EFTUD2: variants seen among roughly 807,000 people sequenced by gnomAD.
EFTUD2 encodes 116 kDa U5 small nuclear ribonucleoprotein component.
EFTUD2 carries 9 observed loss-of-function variants against 114.3 expected under a neutral mutation model. That is an observed-to-expected ratio of 0.08 (90% CI 0.05 to 0.14). The LOEUF (loss-of-function observed/expected upper bound fraction) is 0.14. Among genes scored for constraint, EFTUD2 ranks in the 10% least tolerant of loss-of-function variants. The probability of loss-of-function intolerance (pLI) is 1.00; values close to 1 mark genes in which losing one functional copy is unlikely to be tolerated. For missense variants in EFTUD2, 765 were observed against 1,241.2 expected (o/e 0.62, Z 5.76); for synonymous variants, 449 against 462.3 (o/e 0.97, Z 0.37).
chr17:44,867,853 C>T lies in EFTUD2; in HGVS notation c.1103G>A (p.Ser368Asn). ...KKAPTSSSQR[S>N]FVEFILEPLY... is the part of the protein sequence containing the mutation. ...AGGCTCCAAGATAAACTCCACGAAA[C>T]TTCTCTGGGAGCTGCTAGTTGGGGC... Residue 368 changes from serine (S) to asparagine (N), a missense_variant, in exon 13 of 28, where the codon AGT (serine) becomes AAT (asparagine). Transcript: ENST00000426333. 6.2e-7 allele frequency: 1 copy of T among 1,606,692 alleles called. No individual in the cohort carries two copies. The highest frequency in any genetic ancestry group is 1.1e-5 in the South Asian group (1 of 89,310).
At chr17:44,881,246 A>C (rs1174097318) in intron 7 of EFTUD2, among the ~76,000 whole-genome samples, 1 of 152,232 alleles carries the variant, frequency 6.6e-6, no homozygotes, top group African/African-American at 2.4e-5. Flanking sequence ...TCCGGAAGGA[A>C]AGACAAAAAG....
At position 44,880,612 on chromosome 17, in the gene EFTUD2, T is replaced by G; in HGVS notation, c.561A>C (p.Thr187=). Residue 187 remains threonine (T), a synonymous_variant, in exon 8 of 28, where the codon ACA becomes ACC. Coordinates refer to ENST00000426333, the MANE Select transcript of EFTUD2 (RefSeq NM_004247.4). ...RGVGIKSTPV[T]VVLPDTKGKS... ...TTCCTTTGGTGTCTGGCAAGACCAC[T>G]GTCACAGGAGTGCTTTTGATGCCTA... 6.2e-7 allele frequency: 1 copy of G among 1,613,802 alleles called. No individual in the cohort carries two copies. Among genetic ancestry groups the G allele is most frequent in the Non-Finnish European group, 8.5e-7 (1 of 1,179,724 alleles).
chr17:44,857,932 T>TTTTTTA (rs2050586726), intron 19 of EFTUD2, among the ~76,000 whole-genome samples: 1 of 148,396 alleles, frequency 6.7e-6, no homozygotes, highest in Non-Finnish European at 1.5e-5. Flanking sequence ...TTTTTTTTTT[T>TTTTTTA]TTTTTTTGAG....
At chr17:44,896,067 G>A (rs568401638) in intron 1 of EFTUD2, 3 of 152,166 alleles carry the variant, frequency 2.0e-5, no homozygotes, top group East Asian at 1.9e-4. Flanking sequence ...AATGCATTTC[G>A]TATCAGGTGA....
rs2050719997 is a variant in EFTUD2, at chr17:44,865,020, G to T, written c.1195C>A (p.Leu399Ile). 6.2e-7 allele frequency: 1 copy of T among 1,614,196 alleles called. No homozygotes were observed. Among genetic ancestry groups the T allele is most frequent in the East Asian group, 2.2e-5 (1 of 44,892 alleles). ...TCCTCCTTCGTCAGGTGGATGCCAA[G>T]CTCGTCTAGGGTCCGTGGGAGGCTG... ...DTSLPRTLDE[L>I]GIHLTKEELK... Residue 399 changes from leucine to isoleucine, a missense_variant, in exon 14 of 28, where the codon CTT becomes ATT. Physicochemically the swap from Leu to Ile is conservative, Grantham distance 5. Transcript: ENST00000426333.
chr17:44,852,311 G>A, intron 26 of EFTUD2, 98 bp downstream of exon 26: 3 of 1,495,326 alleles, frequency 2.0e-6, no homozygotes, highest in Non-Finnish European at 2.7e-6. Context: ...CCAGGATGCT[G>A]TACACCTCAC....
chr17:44,883,428 A>T, intron 5 of EFTUD2: 1 of 611,020 alleles, frequency 1.6e-6, no homozygotes, highest in Non-Finnish European at 2.9e-6. Context: ...CCAGATGTAG[A>T]CATAAGGCTC....
Position 44,850,192 on chromosome 17 carries a change from T to C in EFTUD2, c.*1082A>G, listed in dbSNP as rs2050415715. On this transcript the variant is annotated 3_prime_UTR_variant, in exon 28 of 28. Coordinates refer to ENST00000426333, the MANE Select transcript of EFTUD2 (RefSeq NM_004247.4). ...TGTGGTCAGATGCTTGAAGCAGCTG[T>C]TGGGACCTGGGGCAGAAAGATGAGC... 4 of 621,826 alleles carry C rather than the reference T, an allele frequency of 6.4e-6. No individual in the cohort carries two copies. The East Asian group carries it at 8.2e-5, about 13-fold the overall frequency. The allele number at this position is 621,826 out of a possible 1,614,324, so 38.5% of individuals were successfully genotyped here.
chr17:44,857,146 T>C lies in EFTUD2; in HGVS notation c.1974A>G (p.Pro658=), dbSNP rs771872448. The C allele has an allele frequency of 9.3e-6, 15 of 1,613,824 alleles. No homozygotes were observed. Among genetic ancestry groups the C allele is most frequent in the Non-Finnish European group, 6.8e-6 (8 of 1,179,828 alleles). Residue 658 remains proline (P), a synonymous_variant, in exon 20 of 28, where the codon CCA becomes CCG. Transcript: ENST00000426333. ...YSEIDIKVAD[P]VVTFCETVVE... ...CCACCGTCTCACAAAACGTGACAAC[T>C]GGGTCAGCCACCTGGGAAACAGAAA...
intron 9 of EFTUD2, among the ~76,000 whole-genome samples, chr17:44,879,118 C>T (rs2051024560): frequency 6.6e-6 from 1 of 152,174 alleles, no homozygotes; most frequent in Non-Finnish European, 1.5e-5. Flanking sequence ...GAATGTCTCA[C>T]TCTAGCACCC....
chr17:44,861,604 G>A (rs2050661771), intron 16 of EFTUD2, among the ~76,000 whole-genome samples: 1 of 151,340 alleles, frequency 6.6e-6, no homozygotes, highest in Admixed American at 6.6e-5. Flanking sequence ...ATGGTGGCGG[G>A]CGCCTGTAGT....
intron 12 of EFTUD2, 50 bp from the exon 13 acceptor site, chr17:44,867,947 C>T (rs2050781233): frequency 1.3e-6 from 2 of 1,503,006 alleles, no homozygotes; most frequent in African/African-American, 2.8e-5. Flanking sequence ...GGCACTATCA[C>T]TGATCCCAAG....
chr17:44,857,542 C>A, intron 19 of EFTUD2: 1 of 250,480 alleles, frequency 4.0e-6, no homozygotes. Context: ...ATTCTCAACC[C>A]ACAGCATCTG....
chr17:44,868,535 A>G (rs907732841), intron 11 of EFTUD2, 185 bp from the exon 12 acceptor site: 9 of 571,984 alleles, frequency 1.6e-5, no homozygotes, highest in African/African-American at 1.3e-4. Flanking sequence ...AGACTGGTCC[A>G]AAGTTGACAA....
chr17:44,894,578 A>C (rs1332015015), intron 1 of EFTUD2, 53 bp from the exon 2 acceptor site: 1 of 1,363,326 alleles, frequency 7.3e-7, no homozygotes, highest in Non-Finnish European at 1.0e-6. Flanking sequence ...CAAGGCCTTC[A>C]TGTGGTGGCT....
chr17:44,865,003 C>A lies in EFTUD2; in HGVS notation c.1212G>T (p.Thr404=). Residue 404 remains threonine, a synonymous_variant, in exon 14 of 28, where the codon ACG becomes ACT. Coordinates refer to ENST00000426333, the MANE Select transcript of EFTUD2 (RefSeq NM_004247.4). The part of the protein sequence containing the change: ...RTLDELGIHL[T]KEELKLNIRP... ...GGATGTTCAGCTTCAGCTCCTCCTTCGTCAGGTGGATGCCAAGCTCGTCTA... is the reference window on the plus strand; with the variant it reads ...GGATGTTCAGCTTCAGCTCCTCCTTAGTCAGGTGGATGCCAAGCTCGTCTA... 1 of 1,614,186 alleles carries A rather than the reference C, an allele frequency of 6.2e-7. No homozygotes were observed. The highest frequency in any genetic ancestry group is 8.5e-7 in the Non-Finnish European group (1 of 1,180,038).
At chr17:44,861,340 G>T (rs531815412) in intron 16 of EFTUD2, among the ~76,000 whole-genome samples, 1 of 152,000 alleles carries the variant, frequency 6.6e-6, no homozygotes, top group South Asian at 2.1e-4. Flanking sequence ...GGCTACTTGG[G>T]AGGCTGAGGC....
chr17:44,880,688 G>A, intron 7 of EFTUD2, 44 bp from the exon 8 acceptor site: 7 of 1,548,982 alleles, frequency 4.5e-6, no homozygotes, highest in Non-Finnish European at 6.2e-6. Flanking sequence ...CTATGCAAGA[G>A]GGGTTCATTT....
At chr17:44,875,044 G>A (rs1847957187) in intron 10 of EFTUD2, among the ~76,000 whole-genome samples, 1 of 152,042 alleles carries the variant, frequency 6.6e-6, no homozygotes, top group African/African-American at 2.4e-5. Flanking sequence ...AACTTTACAT[G>A]GTTGGTATGT....
Sources: allele counts gnomAD v4.1 joint callset (sites outside exome capture counted in the v4.1 genomes callset), GRCh38; gene constraint gnomAD v4.1.1; transcripts MANE v1.5; gene names NCBI Gene and HGNC (gene_info 2026-07-23, HGNC 2026-07-21).